The following TPTE2 variants were observed in gnomAD, a reference collection of about 807,000 sequenced individuals.
The protein encoded by TPTE2 is transmembrane phosphoinositide 3-phosphatase and tensin homolog 2.
A neutral mutation model predicts 78.6 loss-of-function variants in TPTE2; 53 were observed. The observed-to-expected ratio is 0.67, with a 90% CI of 0.54 to 0.85. The LOEUF is 0.85. Ranked by LOEUF, TPTE2 falls within the 40% of genes least tolerant of loss-of-function variation. The probability of loss-of-function intolerance (pLI) is 0.00; values close to 1 mark genes in which losing one functional copy is unlikely to be tolerated. For missense variants in TPTE2, 461 were observed against 623.0 expected (o/e 0.74, Z 2.77); for synonymous variants, 175 against 206.2 (o/e 0.85, Z 1.30).
At chr13:19,522,351 T>C (rs1156903191) in intron 1 of TPTE2, among the ~76,000 whole-genome samples, 2 of 152,212 alleles carry the variant, frequency 1.3e-5, no homozygotes, top group East Asian at 3.8e-4. Context: ...AAAAATATTA[T>C]AGGCTGAGGT....
At chr13:19,491,904 T>A (rs748328484) in intron 3 of TPTE2, among the ~76,000 whole-genome samples, 3 of 152,200 alleles carry the variant, frequency 2.0e-5, no homozygotes, top group Non-Finnish European at 4.4e-5. Flanking sequence ...TTTAAAAATT[T>A]ATTTATTGGC....
chr13:19,467,149 T>C, intron 7 of TPTE2, 76 bp downstream of exon 10: 1 of 1,404,318 alleles, frequency 7.1e-7, no homozygotes, highest in Non-Finnish European at 9.7e-7. Context: ...GTTGAAAAGA[T>C]TATATAGAAT....
intron 13 of TPTE2, among the ~76,000 whole-genome samples, chr13:19,440,693 C>A (rs1877429963): frequency 6.6e-6 from 1 of 152,134 alleles, no homozygotes; most frequent in South Asian, 2.1e-4. Context: ...TCGCTTGAAC[C>A]CAGGAGTCGG....
intron 19 of TPTE2, among the ~76,000 whole-genome samples, chr13:19,424,253 A>G (rs1413629882): frequency 2.6e-5 from 4 of 152,208 alleles, no homozygotes; most frequent in African/African-American, 9.6e-5. Context: ...ACAAAAAAAA[A>G]TCTCAATTTT....
At position 19,511,584 on chromosome 13, in the gene TPTE2, C is replaced by A. The variant is rs187052075; in HGVS notation, c.-43-8307G>T. On this transcript the variant is annotated intron_variant, in intron 1 of 17. Coordinates refer to the TPTE2 transcript ENST00000390680. ...ATTGGTTTCTAAAGGGCATCAGGTT[C>A]TTTGGGTAAACGGCTGATTCCAGGG... is the stretch of plus-strand genomic sequence containing the variant. Among the ~76,000 whole-genome samples the A allele has an allele frequency of 5.4e-3, 826 of 152,232 alleles. 8 individuals carry two copies. The highest frequency in any genetic ancestry group is 0.018 in the African/African-American group (764 of 41,532).
intron 16 of TPTE2, among the ~76,000 whole-genome samples, chr13:19,430,889 G>A (rs180689286): frequency 1.1e-4 from 17 of 152,280 alleles, no homozygotes; most frequent in Non-Finnish European, 2.4e-4. Flanking sequence ...CACTTTGGGA[G>A]GGCGAGGTGG....
intron 1 of TPTE2, among the ~76,000 whole-genome samples, chr13:19,518,311 G>C (rs1189408104): frequency 6.6e-6 from 1 of 152,160 alleles, no homozygotes; most frequent in East Asian, 1.9e-4. Context: ...ATTATGCAAT[G>C]TAAAATGTAC....
At chr13:19,510,684 C>A (rs1869376289) in intron 1 of TPTE2, among the ~76,000 whole-genome samples, 1 of 152,092 alleles carries the variant, frequency 6.6e-6, no homozygotes, top group African/African-American at 2.4e-5. Flanking sequence ...GTAACATAAT[C>A]ACTTTGAAAA....
intron 10 of TPTE2, among the ~76,000 whole-genome samples, chr13:19,453,966 G>A (rs532884740): frequency 6.6e-6 from 1 of 152,232 alleles, no homozygotes; most frequent in African/African-American, 2.4e-5. Flanking sequence ...CCACCTTTGG[G>A]TTTTCCTAAA....
At chr13:19,517,392 T>G (rs1366690151) in intron 1 of TPTE2, among the ~76,000 whole-genome samples, 1 of 152,120 alleles carries the variant, frequency 6.6e-6, no homozygotes, top group Non-Finnish European at 1.5e-5. Flanking sequence ...CTATTTGGCC[T>G]TACACCCACT....
At chr13:19,466,561 G>A (rs1347177282) in intron 7 of TPTE2, among the ~76,000 whole-genome samples, 1 of 152,170 alleles carries the variant, frequency 6.6e-6, no homozygotes, top group African/African-American at 2.4e-5. Flanking sequence ...CTCATACACT[G>A]TTAAGTTTTC....
the TPTE2 span, among the ~76,000 whole-genome samples, chr13:19,551,299 GAA>G: frequency 6.6e-6 from 1 of 152,080 alleles, no homozygotes; most frequent in African/African-American, 2.4e-5. Context: ...GGTACAATAT[GAA>G]TATACAGGCC....
chr13:19,528,656 C>CA (rs770552449), intron 1 of TPTE2, among the ~76,000 whole-genome samples: 11 of 152,148 alleles, frequency 7.2e-5, no homozygotes, highest in Non-Finnish European at 1.2e-4. Context: ...ATTATTCCTC[C>CA]AGTTCTCGCT....
chr13:19,446,558 A>G (rs1169126680), intron 13 of TPTE2, among the ~76,000 whole-genome samples: 1 of 152,244 alleles, frequency 6.6e-6, no homozygotes, highest in Non-Finnish European at 1.5e-5. Flanking sequence ...TCTTTACTAT[A>G]TCAGTATAGG....
At chr13:19,480,990 A>G (rs1880313710) in intron 4 of TPTE2, among the ~76,000 whole-genome samples, 1 of 152,232 alleles carries the variant, frequency 6.6e-6, no homozygotes, top group Admixed American at 6.5e-5. Flanking sequence ...ACCATGAAAT[A>G]TTACACAACT....
At chr13:19,545,006 G>A in the TPTE2 span, among the ~76,000 whole-genome samples, 1 of 150,338 alleles carries the variant, frequency 6.7e-6, no homozygotes, top group Admixed American at 6.6e-5. Context: ...TTAAACTGTG[G>A]CAAACTGAAT....
chr13:19,463,976 T>C (rs565675550), intron 10 of TPTE2, among the ~76,000 whole-genome samples: 1 of 152,198 alleles, frequency 6.6e-6, no homozygotes, highest in East Asian at 1.9e-4. Flanking sequence ...ATGCAGCATA[T>C]GGTGGCTCTG....
At chr13:19,509,195 A>G (rs2137689695) in intron 1 of TPTE2, among the ~76,000 whole-genome samples, 3 of 152,340 alleles carry the variant, frequency 2.0e-5, no homozygotes, top group African/African-American at 7.2e-5. Context: ...GGTTAAAAGC[A>G]AAGAGTACAC....
At chr13:19,511,646 A>G (rs1869449398) in intron 1 of TPTE2, among the ~76,000 whole-genome samples, 1 of 152,172 alleles carries the variant, frequency 6.6e-6, no homozygotes, top group Non-Finnish European at 1.5e-5. Flanking sequence ...GAACATGTCA[A>G]GCCAAAGGAA....
Sources: gnomAD v4.1 joint callset for allele counts (sites outside exome capture counted in the v4.1 genomes callset) on GRCh38, gnomAD v4.1.1 for gene constraint, MANE v1.5 for transcripts, NCBI Gene and HGNC (gene_info 2026-07-23, HGNC 2026-07-21) for gene names.